VWA8: variants seen among roughly 807,000 people sequenced by gnomAD.
The protein encoded by VWA8 is von Willebrand factor A domain containing 8, also known as von Willebrand factor A domain-containing protein 8.
A neutral mutation model predicts 241.5 loss-of-function variants in VWA8; 221 were observed. The observed-to-expected ratio is 0.91, with a 90% CI of 0.82 to 1.02. VWA8 has a LOEUF of 1.02. Among genes scored for constraint, VWA8 ranks in the 50% least tolerant of loss-of-function variants. VWA8 has a pLI of 0.00. For missense variants in VWA8, 2,322 were observed against 2,328.7 expected (o/e 1.00, Z 0.06); for synonymous variants, 852 against 827.1 (o/e 1.03, Z -0.52).
intron 43 of VWA8, among the ~76,000 whole-genome samples, chr13:41,572,196 G>A (rs998333328): frequency 2.0e-5 from 3 of 150,904 alleles, no homozygotes; most frequent in Non-Finnish European, 4.4e-5. Context: ...CCCCCGCCCC[G>A]CCAGCCGCCC....
chr13:41,638,453 T>A lies in VWA8; in HGVS notation c.4612-23369A>T, dbSNP rs150785170. Among the ~76,000 whole-genome samples the A allele has an allele frequency of 5.2e-3, 785 of 152,008 alleles. 5 individuals carry two copies. Among genetic ancestry groups the A allele is most frequent in the Middle Eastern group, 0.017 (5 of 294 alleles). On this transcript the variant is annotated intron_variant, in intron 37 of 44. Transcript: ENST00000379310. ...AAGTGAAGAGGGCTCAGGGGAGAAA[T>A]GAATCAGTGAAGGAGACTGAGAAGA...
chr13:41,935,112 T>C (rs1046345089), intron 2 of VWA8, among the ~76,000 whole-genome samples: 1 of 152,060 alleles, frequency 6.6e-6, no homozygotes, highest in Non-Finnish European at 1.5e-5. Context: ...ATAACAGCCA[T>C]ACTGGAAGCA....
At chr13:41,583,008 T>C (rs1477267485) in intron 42 of VWA8, among the ~76,000 whole-genome samples, 4 of 152,246 alleles carry the variant, frequency 2.6e-5, no homozygotes, top group Non-Finnish European at 5.9e-5. Flanking sequence ...GAAGGCCAGC[T>C]GGAAGATTTC....
chr13:41,779,198 AT>A (rs1172928428), intron 19 of VWA8, among the ~76,000 whole-genome samples: 1 of 147,938 alleles, frequency 6.8e-6, no homozygotes, highest in Non-Finnish European at 1.5e-5. Context: ...TAATATACAT[AT>A]AAATTATATA....
chr13:41,851,594 C>T (rs2138030210), intron 12 of VWA8, among the ~76,000 whole-genome samples: 1 of 152,262 alleles, frequency 6.6e-6, no homozygotes, highest in African/African-American at 2.4e-5. Flanking sequence ...TTTCCACTTT[C>T]ACTTCTTCCT....
chr13:41,835,285 A>C (rs958328804), intron 12 of VWA8, among the ~76,000 whole-genome samples: 3 of 152,210 alleles, frequency 2.0e-5, no homozygotes, highest in Admixed American at 6.5e-5. Context: ...TGACTTAGGA[A>C]GTATGAATAG....
chr13:41,634,751 C>CAAACA (rs2044746614), intron 37 of VWA8, among the ~76,000 whole-genome samples: 1 of 149,624 alleles, frequency 6.7e-6, no homozygotes. Flanking sequence ...TAATTTTTTT[C>CAAACA]CTTTGGCTCT....
chr13:41,919,668 G>C (rs1030224671), intron 2 of VWA8, among the ~76,000 whole-genome samples: 1 of 152,012 alleles, frequency 6.6e-6, no homozygotes, highest in East Asian at 1.9e-4. Context: ...TGCCCTTCAA[G>C]GCCTGAGCTG....
intron 21 of VWA8, among the ~76,000 whole-genome samples, chr13:41,734,972 C>T (rs966709376): frequency 3.0e-4 from 45 of 152,246 alleles, no homozygotes; most frequent in African/African-American, 7.7e-4. Flanking sequence ...TCTGTATTTA[C>T]GGGTTTTATA....
At chr13:41,653,810 A>G (rs932709521) in intron 37 of VWA8, among the ~76,000 whole-genome samples, 8 of 152,212 alleles carry the variant, frequency 5.3e-5, no homozygotes, top group African/African-American at 1.9e-4. Context: ...AGCAATGGGG[A>G]AAGAACTCTA....
rs370519685 is a variant in VWA8, at chr13:41,707,041, T to C, written c.3117-3630A>G. Among the ~76,000 whole-genome samples, 4 of 152,346 alleles carry C rather than the reference T, an allele frequency of 2.6e-5. No individual in the cohort carries two copies. The South Asian group carries it at 8.3e-4, about 32-fold the overall frequency. ...TCCCTTGTGGAAATGATAATAAGGA[T>C]CTGGAAGTAAAAGTTTGGACTAAAA... On this transcript the variant is annotated intron_variant, in intron 26 of 44. Transcript: ENST00000379310.
At chr13:41,671,748 T>C (rs181180936) in intron 36 of VWA8, among the ~76,000 whole-genome samples, 2 of 152,104 alleles carry the variant, frequency 1.3e-5, no homozygotes, top group East Asian at 3.9e-4. Context: ...TTCCCCCCCA[T>C]TCATGTTAGG....
chr13:41,908,611 A>C (rs987542279), intron 3 of VWA8, among the ~76,000 whole-genome samples: 2 of 152,050 alleles, frequency 1.3e-5, no homozygotes, highest in Non-Finnish European at 2.9e-5. Flanking sequence ...AGGAAGGAGG[A>C]GGAGTAGAAG....
chr13:41,644,917 A>C (rs2044821130), intron 37 of VWA8, among the ~76,000 whole-genome samples: 1 of 152,192 alleles, frequency 6.6e-6, no homozygotes, highest in Non-Finnish European at 1.5e-5. Flanking sequence ...TTATTGTTTC[A>C]TTTAAAGTTT....
intron 40 of VWA8, among the ~76,000 whole-genome samples, chr13:41,593,612 TA>T (rs2044470577): frequency 6.6e-6 from 1 of 152,214 alleles, no homozygotes; most frequent in Non-Finnish European, 1.5e-5. Flanking sequence ...TTCTGTTCTC[TA>T]GTGTGGATAA....
chr13:41,590,771 A>T lies in VWA8; in HGVS notation c.4987-6T>A, dbSNP rs1177746450. On this transcript the variant is annotated splice_region_variant and splice_polypyrimidine_tract_variant and intron_variant, in intron 40 of 44. Coordinates refer to ENST00000379310, the MANE Select transcript of VWA8 (RefSeq NM_015058.2). ...TGTCTTTCTTTACCTTTAGCCTACA[A>T]AAGACACACATACACACACAAAGCC... The T allele has an allele frequency of 1.9e-6, 3 of 1,613,726 alleles. No homozygotes were observed. The African/African-American group carries it at 4.0e-5, about 22-fold the overall frequency.
intron 9 of VWA8, among the ~76,000 whole-genome samples, chr13:41,879,370 TACATACAC>T (rs1468128265): frequency 1.6e-5 from 2 of 123,566 alleles, no homozygotes; most frequent in South Asian, 3.1e-4. Flanking sequence ...CTCTCTCTCA[TACATACAC>T]ACATACACAC....
intron 42 of VWA8, 26 bp downstream of exon 42, chr13:41,587,486 T>C (rs2044426133): frequency 6.2e-7 from 1 of 1,613,638 alleles, no homozygotes; most frequent in East Asian, 2.2e-5. Flanking sequence ...ATGATGCCTC[T>C]CATTATTCTT....
chr13:41,951,768 T>C (rs1025060655), intron 1 of VWA8, among the ~76,000 whole-genome samples: 3 of 152,242 alleles, frequency 2.0e-5, no homozygotes, highest in African/African-American at 7.2e-5. Flanking sequence ...CCAACATTTG[T>C]TGAATGCTTA....
Sources: gnomAD v4.1 joint callset for allele counts (sites outside exome capture counted in the v4.1 genomes callset) on GRCh38, gnomAD v4.1.1 for gene constraint, MANE v1.5 for transcripts, NCBI Gene and HGNC (gene_info 2026-07-23, HGNC 2026-07-21) for gene names.